Variants in SLC38A6 observed in about 807,000 individuals in gnomAD.
The protein encoded by SLC38A6 is N system amino acid transporter NAT-1.
SLC38A6 carries 73 observed loss-of-function variants against 65.0 expected under a neutral mutation model. The ratio of observed to expected loss-of-function variants is 1.12; its 90% confidence interval spans 0.93 to 1.37. The LOEUF (loss-of-function observed/expected upper bound fraction) is 1.37, where lower values mean the gene tolerates loss of function less well. Among genes scored for constraint, SLC38A6 ranks in the 40% most tolerant of loss-of-function variants. The pLI is 0.00. For missense variants in SLC38A6, 561 were observed against 531.1 expected (o/e 1.06, Z -0.55); for synonymous variants, 183 against 178.8 (o/e 1.02, Z -0.19).
At chr14:61,015,104 G>A (rs537296844) in intron 3 of SLC38A6, among the ~76,000 whole-genome samples, 4 of 152,280 alleles carry the variant, frequency 2.6e-5, no homozygotes, top group East Asian at 1.9e-4. Flanking sequence ...CCCCAGCCTC[G>A]CTGCAGCCTT....
rs2042445903 is a variant in SLC38A6 at position 61,050,519 on chromosome 14, G to A, written c.933G>A (p.Val311=). Residue 311 remains valine, a synonymous_variant, in exon 13 of 16, where the codon GTG becomes GTA. Transcript: ENST00000267488. ...TTATTATTTTATTTACAGACAAAGT[G>A]GAGTCAGAATTACTAAAAGGTTATA... is the stretch of plus-strand genomic sequence containing the variant. ...LFGYLTFYDK[V]ESELLKGYSK... 6.6e-7 allele frequency: 1 copy of A among 1,514,068 alleles called. No homozygotes were observed. Among genetic ancestry groups the A allele is most frequent in the South Asian group, 1.3e-5 (1 of 79,720 alleles). The allele number at this position is 1,514,068 out of a possible 1,614,324, so 93.8% of individuals were successfully genotyped here. A position where few individuals can be genotyped will look rare whatever the true frequency, so the allele number is the denominator to read the frequency against.
intron 3 of SLC38A6, among the ~76,000 whole-genome samples, chr14:60,990,002 C>T (rs138150313): frequency 5.3e-5 from 8 of 152,004 alleles, no homozygotes; most frequent in African/African-American, 1.9e-4. Flanking sequence ...ACCCCTGGGA[C>T]TATTCCTCTG....
At chr14:61,037,765 T>C (rs2139730743) in intron 8 of SLC38A6, 82 bp downstream of exon 8, 2 of 910,130 alleles carry the variant, frequency 2.2e-6, no homozygotes, top group Non-Finnish European at 3.3e-6. Flanking sequence ...TTTAACTGTT[T>C]TGTGTTGGGA....
At chr14:61,050,865 G>C (rs1408028126) in intron 13 of SLC38A6, among the ~76,000 whole-genome samples, 1 of 152,008 alleles carries the variant, frequency 6.6e-6, no homozygotes, top group Non-Finnish European at 1.5e-5. Context: ...TTAGATTTAC[G>C]TTCTCCCACA....
At chr14:61,014,987 T>G (rs1469634376) in intron 3 of SLC38A6, among the ~76,000 whole-genome samples, 2 of 152,050 alleles carry the variant, frequency 1.3e-5, no homozygotes, top group Admixed American at 1.3e-4. Context: ...AGAGGTGGAG[T>G]CTACAGAGGC....
intron 16 of SLC38A6, among the ~76,000 whole-genome samples, chr14:61,080,486 A>C (rs1244299513): frequency 6.6e-6 from 1 of 152,204 alleles, no homozygotes; most frequent in Non-Finnish European, 1.5e-5. Flanking sequence ...CTGTACCTGC[A>C]TGCAATAGGT....
At chr14:61,053,108 A>G (rs1426457414), downstream of SLC38A6, 2 of 152,094 alleles carry the variant, frequency 1.3e-5, no homozygotes, top group Admixed American at 6.6e-5. Context: ...GCTCTCACGT[A>G]GAAATGAAGA....
In SLC38A6 at chr14:61,030,450, T is replaced by C; in HGVS notation, c.409T>C (p.Ser137Pro). 1 of 1,606,810 alleles carries C rather than the reference T, an allele frequency of 6.2e-7. No individual in the cohort carries two copies. The highest frequency in any genetic ancestry group is 8.5e-7 in the Non-Finnish European group (1 of 1,176,200). ...CACTATTTATTCTTTTGCAGCTATG[T>C]CATCTTATCTTTTAATTATTAAAAC... Reference protein sequence around the residue: ...TIIIQNIGAMSSYLLIIKTEL... With the variant: ...TIIIQNIGAMPSYLLIIKTEL... The change falls in exon 6 of 16, where the codon TCA (serine) becomes CCA (proline). Residue 137 changes from serine (S) to proline (P), a missense_variant. Ser to Pro is a moderately conservative substitution (Grantham distance 74, BLOSUM62 -1). Coordinates refer to ENST00000267488, the MANE Select transcript of SLC38A6 (RefSeq NM_153811.3).
chr14:60,987,491 TTC>T (rs914689124), intron 3 of SLC38A6: 13 of 152,286 alleles, frequency 8.5e-5, no homozygotes, highest in African/African-American at 2.7e-4. Flanking sequence ...AAGAACCTTA[TTC>T]TCTCTAGCCT....
chr14:61,009,614 G>C (rs1287296564), intron 3 of SLC38A6, among the ~76,000 whole-genome samples: 1 of 150,172 alleles, frequency 6.7e-6, no homozygotes, highest in Non-Finnish European at 1.5e-5. Flanking sequence ...TCCCACCTAT[G>C]AGTGAGAACA....
At chr14:61,002,451 A>C (rs2038776991) in intron 3 of SLC38A6, among the ~76,000 whole-genome samples, 1 of 152,210 alleles carries the variant, frequency 6.6e-6, no homozygotes, top group Non-Finnish European at 1.5e-5. Flanking sequence ...TATTTGAATA[A>C]CTCATGTCCC....
intron 15 of SLC38A6, among the ~76,000 whole-genome samples, chr14:61,072,140 TGGAGG>T (rs1158857308): frequency 6.6e-6 from 1 of 152,224 alleles, no homozygotes; most frequent in African/African-American, 2.4e-5. Flanking sequence ...TTCCACCCTC[TGGAGG>T]GGAGGAATAC....
intron 15 of SLC38A6, among the ~76,000 whole-genome samples, chr14:61,057,954 A>C (rs903756810): frequency 3.7e-5 from 5 of 134,364 alleles, no homozygotes; most frequent in African/African-American, 1.4e-4. Context: ...TTTCTGTGGG[A>C]TCGGTGGTGA....
chr14:61,026,064 T>C (rs1436311752), intron 5 of SLC38A6, among the ~76,000 whole-genome samples: 1 of 152,196 alleles, frequency 6.6e-6, no homozygotes, highest in African/African-American at 2.4e-5. Flanking sequence ...CTCATACATA[T>C]ATTTTACATG....
intron 8 of SLC38A6, among the ~76,000 whole-genome samples, chr14:61,041,041 A>AT (rs1335193267): frequency 2.0e-5 from 3 of 152,212 alleles, no homozygotes; most frequent in African/African-American, 7.2e-5. Flanking sequence ...GTAAAGAAGG[A>AT]TTTTAGAGGA....
At chr14:60,984,662 T>C in intron 2 of SLC38A6, 68 bp from the exon 3 acceptor site, 1 of 1,321,424 alleles carries the variant, frequency 7.6e-7, no homozygotes, top group South Asian at 1.2e-5. Context: ...AATTTGTTTT[T>C]GTAATGAGAC....
chr14:61,009,076 T>C, intron 3 of SLC38A6, among the ~76,000 whole-genome samples: 1 of 152,150 alleles, frequency 6.6e-6, no homozygotes, highest in Non-Finnish European at 1.5e-5. Context: ...TTCAAAAGTT[T>C]TCCAAGAAAA....
At position 61,017,292 on chromosome 14, in the gene SLC38A6, G is replaced by T. The variant is rs538475335; in HGVS notation, c.363+1336G>T. On this transcript the variant is annotated intron_variant, in intron 4 of 15. Transcript: ENST00000267488. ...CGACCTCAGGTGATCCACCTGCCTC[G>T]GCCTCCCAACGTGCTGGGATTACAG... Among the ~76,000 whole-genome samples, 546 of 152,210 alleles carry T rather than the reference G, an allele frequency of 3.6e-3. 3 individuals carry two copies. Among genetic ancestry groups the T allele is most frequent in the African/African-American group, 0.013 (522 of 41,530 alleles).
At chr14:60,981,678 A>G (rs1296153055) in intron 1 of SLC38A6, 1 of 1,389,856 alleles carries the variant, frequency 7.2e-7, no homozygotes, top group Admixed American at 2.2e-5. Context: ...AGGATTATGT[A>G]CTCACTGCTG....
Sources: gnomAD v4.1 joint callset for allele counts (sites outside exome capture counted in the v4.1 genomes callset) on GRCh38, gnomAD v4.1.1 for gene constraint, MANE v1.5 for transcripts, NCBI Gene and HGNC (gene_info 2026-07-23, HGNC 2026-07-21) for gene names.